Variants in CTNNA3 observed in about 807,000 individuals in gnomAD.
The protein encoded by CTNNA3 is catenin alpha-3.
In CTNNA3, 76 loss-of-function variants were observed where a neutral mutation model predicts 95.7. The observed-to-expected ratio is 0.79, with a 90% CI of 0.66 to 0.96. The LOEUF (loss-of-function observed/expected upper bound fraction) is 0.96. Ranked by LOEUF, CTNNA3 falls within the 40% of genes least tolerant of loss-of-function variation. CTNNA3 has a pLI of 0.00. For missense variants in CTNNA3, 1,191 were observed against 1,089.8 expected (o/e 1.09, Z -1.31); for synonymous variants, 431 against 374.4 (o/e 1.15, Z -1.74).
intron 1 of CTNNA3, among the ~76,000 whole-genome samples, chr10:67,758,335 C>T (rs1283728429): frequency 5.3e-5 from 8 of 150,794 alleles, no homozygotes; most frequent in African/African-American, 1.9e-4. Context: ...CACACACACA[C>T]ACACACACAC....
chr10:66,556,366 T>A (rs964100641), intron 10 of CTNNA3, among the ~76,000 whole-genome samples: 2 of 152,064 alleles, frequency 1.3e-5, no homozygotes, highest in Non-Finnish European at 2.9e-5. Flanking sequence ...TTTTGGTATA[T>A]ATCCAAAGAA....
intron 9 of CTNNA3, among the ~76,000 whole-genome samples, chr10:66,649,959 C>T (rs1845838551): frequency 6.6e-6 from 1 of 152,226 alleles, no homozygotes; most frequent in African/African-American, 2.4e-5. Context: ...CATGCAGTCC[C>T]AGGCCTCAGG....
At chr10:66,741,131 T>A (rs1430537475) in intron 9 of CTNNA3, among the ~76,000 whole-genome samples, 1 of 152,230 alleles carries the variant, frequency 6.6e-6, no homozygotes. Flanking sequence ...TTAGATTTTT[T>A]AAATGATATC....
At chr10:66,848,947 T>C (rs1843378835) in intron 7 of CTNNA3, among the ~76,000 whole-genome samples, 1 of 152,202 alleles carries the variant, frequency 6.6e-6, no homozygotes, top group Admixed American at 6.6e-5. Context: ...ATTGCACAAC[T>C]GTGCATAAAA....
At chr10:67,400,255 T>C (rs1844869411) in intron 5 of CTNNA3, among the ~76,000 whole-genome samples, 1 of 152,204 alleles carries the variant, frequency 6.6e-6, no homozygotes, top group Non-Finnish European at 1.5e-5. Context: ...AACTATATTG[T>C]TCCCACATCT....
chr10:67,687,278 C>A (rs1204197617), intron 1 of CTNNA3, among the ~76,000 whole-genome samples: 1 of 152,236 alleles, frequency 6.6e-6, no homozygotes, highest in East Asian at 1.9e-4. Context: ...GTTGTTGGAT[C>A]ATCTGGTTGG....
chr10:66,665,107 C>T (rs575049381), intron 9 of CTNNA3, among the ~76,000 whole-genome samples: 1 of 152,264 alleles, frequency 6.6e-6, no homozygotes, highest in South Asian at 2.1e-4. Flanking sequence ...CAAGGTCACA[C>T]TGCCAACACA....
In CTNNA3 at chr10:66,777,458, C is replaced by G. The variant is rs1456152011; in HGVS notation, c.1048-1934G>C. On this transcript the variant is annotated intron_variant, in intron 7 of 17. Coordinates refer to ENST00000433211, the MANE Select transcript of CTNNA3 (RefSeq NM_013266.4). ...AGGTTATTTCTATGAGCACTAATAACATTCTGGATATCAGAGCAATGGCAG... is the reference window on the plus strand; with the variant it reads ...AGGTTATTTCTATGAGCACTAATAAGATTCTGGATATCAGAGCAATGGCAG... 2.6e-5 allele frequency among the ~76,000 whole-genome samples: 4 copies of G among 151,722 alleles called. No individual in the cohort carries two copies. In the East Asian group the frequency reaches 7.7e-4, roughly 29 times the overall value.
At chr10:67,413,472 C>T (rs1241492081) in intron 5 of CTNNA3, among the ~76,000 whole-genome samples, 1 of 152,072 alleles carries the variant, frequency 6.6e-6, no homozygotes, top group Non-Finnish European at 1.5e-5. Context: ...TAGGAAAACA[C>T]TTAAACAACC....
intron 1 of CTNNA3, among the ~76,000 whole-genome samples, chr10:67,731,266 C>T (rs1353072161): frequency 2.6e-5 from 4 of 152,104 alleles, no homozygotes; most frequent in African/African-American, 9.7e-5. Flanking sequence ...ACCTCTAATC[C>T]CAGCACTTTG....
At chr10:67,392,281 T>C (rs191845283) in intron 5 of CTNNA3, among the ~76,000 whole-genome samples, 1 of 152,320 alleles carries the variant, frequency 6.6e-6, no homozygotes, top group Non-Finnish European at 1.5e-5. Context: ...AAGACATTTA[T>C]TCAGCCAACA....
chr10:66,009,479 C>T (rs908735833), intron 15 of CTNNA3, among the ~76,000 whole-genome samples: 3 of 152,118 alleles, frequency 2.0e-5, no homozygotes, highest in African/African-American at 7.2e-5. Flanking sequence ...GCCAATCATA[C>T]ATTAAATCCT....
intron 11 of CTNNA3, among the ~76,000 whole-genome samples, chr10:66,474,872 C>A (rs545740283): frequency 6.6e-6 from 1 of 152,060 alleles, no homozygotes; most frequent in Non-Finnish European, 1.5e-5. Context: ...AAAACTCTTT[C>A]CAGATCCTTT....
chr10:65,990,845 TGACCTGAAGCATTTC>T (rs1169945189), intron 15 of CTNNA3, among the ~76,000 whole-genome samples: 1 of 152,102 alleles, frequency 6.6e-6, no homozygotes, highest in Admixed American at 6.5e-5. Context: ...TCTAGACCAA[TGACCTGAAGCATTTC>T]CCCAATGTTT....
chr10:67,391,038 G>A (rs1395510974), intron 5 of CTNNA3, among the ~76,000 whole-genome samples: 2 of 151,950 alleles, frequency 1.3e-5, no homozygotes, highest in African/African-American at 4.8e-5. Context: ...TCAACATAGT[G>A]TTGGAAGTTC....
intron 11 of CTNNA3, among the ~76,000 whole-genome samples, chr10:66,384,779 T>A (rs944216191): frequency 2.6e-5 from 4 of 152,152 alleles, no homozygotes; most frequent in Non-Finnish European, 4.4e-5. Context: ...AACTCAGGAT[T>A]AAGAAACTTA....
intron 13 of CTNNA3, among the ~76,000 whole-genome samples, chr10:66,267,067 A>C (rs1279890547): frequency 6.6e-6 from 1 of 152,058 alleles, no homozygotes; most frequent in African/African-American, 2.4e-5. Context: ...AGGCGGCTTA[A>C]GGCAGGTGAC....
Position 66,379,323 on chromosome 10 carries a change from A to C in CTNNA3, c.1561T>G (p.Cys521Gly). ...ESHILEDVNK[C>G]IIALRDQDAD... is the part of the protein sequence containing the mutation. ...TCCTGGTCTCTTAAGGCTATGATAC[A>C]CTTGTTGACATCTTCCAAGATATGG... Residue 521 changes from cysteine (C) to glycine (G), a missense_variant, in exon 12 of 18, where the codon TGT becomes GGT. Cys to Gly is a radical substitution (Grantham distance 159). Transcript: ENST00000433211. 6.2e-7 allele frequency: 1 copy of C among 1,614,088 alleles called. No homozygotes were observed.
intron 5 of CTNNA3, among the ~76,000 whole-genome samples, chr10:67,504,910 T>C (rs1005280681): frequency 1.3e-5 from 2 of 152,356 alleles, no homozygotes; most frequent in Admixed American, 6.5e-5. Flanking sequence ...ATCTTTGGAT[T>C]TAATGTTTTC....
Sources: gnomAD v4.1 joint callset for allele counts (sites outside exome capture counted in the v4.1 genomes callset) on GRCh38, gnomAD v4.1.1 for gene constraint, MANE v1.5 for transcripts, NCBI Gene and HGNC (gene_info 2026-07-23, HGNC 2026-07-21) for gene names.